The following XKR6 variants were observed in gnomAD, a reference collection of about 807,000 sequenced individuals.
The protein encoded by XKR6 is XK-related protein 6.
XKR6 carries 22 observed loss-of-function variants against 56.7 expected under a neutral mutation model. The observed-to-expected ratio is 0.39, with a 90% CI of 0.28 to 0.55. XKR6 has a LOEUF of 0.55. Ranked by LOEUF, XKR6 falls within the 20% of genes least tolerant of loss-of-function variation. XKR6 has a pLI of 0.66. For synonymous variants in XKR6, 524 were observed against 387.8 expected (o/e 1.35, Z -4.13); for missense variants, 852 against 889.0 (o/e 0.96, Z 0.53).
At chr8:10,920,279 C>A (rs529851869) in intron 2 of XKR6, among the ~76,000 whole-genome samples, 33 of 152,310 alleles carry the variant, frequency 2.2e-4, no homozygotes, top group Non-Finnish European at 3.8e-4. Flanking sequence ...ACCACTACAA[C>A]CACCAAGAAA....
At chr8:11,110,317 C>A (rs569042636) in intron 1 of XKR6, among the ~76,000 whole-genome samples, 1 of 152,274 alleles carries the variant, frequency 6.6e-6, no homozygotes, top group East Asian at 1.9e-4. Flanking sequence ...ATATTAAATA[C>A]ATTACCAGCC....
chr8:10,993,624 G>A (rs970703306), intron 1 of XKR6, among the ~76,000 whole-genome samples: 3 of 152,200 alleles, frequency 2.0e-5, no homozygotes, highest in Non-Finnish European at 4.4e-5. Context: ...GCAGGGGAGA[G>A]GCTGGGGGCT....
chr8:11,133,197 C>T (rs566479880), intron 1 of XKR6, among the ~76,000 whole-genome samples: 1 of 150,706 alleles, frequency 6.6e-6, no homozygotes, highest in East Asian at 1.9e-4. Flanking sequence ...TTTCAGTCAT[C>T]AGAAGTAAGG....
Position 10,898,890 on chromosome 8 carries a change from A to T in XKR6, c.988T>A (p.Ser330Thr). Residue 330 changes from serine (S) to threonine (T), a missense_variant, in exon 3 of 3, where the codon TCC (serine) becomes ACC (threonine). By Grantham distance (58) the Ser-to-Thr change is moderately conservative. Coordinates refer to ENST00000416569, the MANE Select transcript of XKR6 (RefSeq NM_173683.4). This position sits in a 1 kb window ranked among gnomAD's most constrained non-coding sequence, Gnocchi z 6.6. ...TAGGAGGCTAGCACCCAAGCCAGGG[A>T]CATCAGGGAAGTCACAGAGGAGACA... Reference protein sequence around the residue: ...PCVSSVTSLMSLAWVLASYHK... With the variant: ...PCVSSVTSLMTLAWVLASYHK... 1.2e-6 allele frequency: 2 copies of T among 1,610,726 alleles called. No individual in the cohort carries two copies. The highest frequency in any genetic ancestry group is 1.7e-6 in the Non-Finnish European group (2 of 1,178,088).
intron 1 of XKR6, among the ~76,000 whole-genome samples, chr8:10,993,289 A>T (rs913027656): frequency 1.3e-5 from 2 of 152,154 alleles, no homozygotes; most frequent in Non-Finnish European, 2.9e-5. Context: ...AGCACCTACC[A>T]CTTGCAGCAG....
At chr8:11,056,844 G>T (rs906434517) in intron 1 of XKR6, among the ~76,000 whole-genome samples, 9 of 152,180 alleles carry the variant, frequency 5.9e-5, no homozygotes, top group Non-Finnish European at 1.2e-4. Context: ...CCAGCCAGGG[G>T]ATCAGCTGGG....
chr8:11,201,786 C>T lies in XKR6; in HGVS notation c.-447G>A, dbSNP rs976321514. Reference sequence around the variant, plus strand: ...TGCCAGACGTTTTGGGGTCCCCTTCCTCAGCGTCGCAGCTCACAGCTTTCC... The same window carrying T: ...TGCCAGACGTTTTGGGGTCCCCTTCTTCAGCGTCGCAGCTCACAGCTTTCC... On this transcript the variant is annotated 5_prime_UTR_variant, in exon 1 of 3. Coordinates refer to ENST00000416569, the MANE Select transcript of XKR6 (RefSeq NM_173683.4). 6.6e-6 allele frequency among the ~76,000 whole-genome samples: 1 copy of T among 152,262 alleles called. No individual in the cohort carries two copies. Among genetic ancestry groups the T allele is most frequent in the South Asian group, 2.1e-4 (1 of 4,830 alleles).
intron 1 of XKR6, among the ~76,000 whole-genome samples, chr8:11,022,502 A>C (rs955417817): frequency 2.6e-5 from 4 of 152,246 alleles, no homozygotes; most frequent in Non-Finnish European, 5.9e-5. Flanking sequence ...ACCAGAAATT[A>C]GGTCTTAGAC....
chr8:11,083,523 C>T lies in XKR6; in HGVS notation c.764+117053G>A, dbSNP rs1045641093. ...TTACACCCCCCGTTGAGCTATTCCC[C>T]GCTTCAAGTTTTGCATTTTCGGAAT... On this transcript the variant is annotated intron_variant, in intron 1 of 2. Transcript: ENST00000416569. Among the ~76,000 whole-genome samples, 10 of 152,304 alleles carry T rather than the reference C, an allele frequency of 6.6e-5. No homozygotes were observed. The South Asian group carries it at 8.3e-4, about 13-fold the overall frequency.
chr8:11,064,582 C>T (rs1437519628), intron 1 of XKR6, among the ~76,000 whole-genome samples: 1 of 152,226 alleles, frequency 6.6e-6, no homozygotes, highest in East Asian at 1.9e-4. Flanking sequence ...TCATTTTCTG[C>T]CATCTGTCAA....
chr8:11,154,749 G>C (rs1366180642), intron 1 of XKR6, among the ~76,000 whole-genome samples: 8 of 152,080 alleles, frequency 5.3e-5, no homozygotes, highest in Non-Finnish European at 1.2e-4. Context: ...CTTTTCTGTT[G>C]GTTCCTTCTC....
At chr8:10,936,270 C>T (rs1801203314) in intron 1 of XKR6, among the ~76,000 whole-genome samples, 1 of 150,206 alleles carries the variant, frequency 6.7e-6, no homozygotes, top group South Asian at 2.1e-4. Flanking sequence ...TTTCTCCATC[C>T]TTTTATTTTG....
At chr8:10,988,948 G>A (rs1191417818) in intron 1 of XKR6, among the ~76,000 whole-genome samples, 1 of 152,224 alleles carries the variant, frequency 6.6e-6, no homozygotes, top group Non-Finnish European at 1.5e-5. Flanking sequence ...GCAAAAGGCA[G>A]AGGACAGTAT....
At chr8:11,092,547 G>A (rs1056943987) in intron 1 of XKR6, among the ~76,000 whole-genome samples, 2 of 152,162 alleles carry the variant, frequency 1.3e-5, no homozygotes, top group African/African-American at 2.4e-5. Context: ...TGGGGACAGG[G>A]GGTATCCCGG....
rs1314478856 is a variant in XKR6 at position 10,896,118 on chromosome 8, C to A, written c.*1834G>T. 6.9e-6 allele frequency: 1 copy of A among 145,982 alleles called. No individual in the cohort carries two copies. Among genetic ancestry groups the A allele is most frequent in the African/African-American group, 2.5e-5 (1 of 40,012 alleles). 9.0% of individuals were successfully genotyped at this position (145,982 alleles called of 1,614,324 possible). ...ATATATATATATACTTATTATATAT[C>A]TTTTTTGTGATTTTTTTTCTTTTCC... On this transcript the variant is annotated 3_prime_UTR_variant, in exon 3 of 3. Coordinates refer to ENST00000416569, the MANE Select transcript of XKR6 (RefSeq NM_173683.4).
intron 1 of XKR6, among the ~76,000 whole-genome samples, chr8:11,052,342 G>C (rs1478927817): frequency 1.3e-5 from 2 of 152,158 alleles, no homozygotes; most frequent in African/African-American, 4.8e-5. Context: ...CCCAGCTCTT[G>C]TTTCCCAGAG....
chr8:10,979,896 G>A (rs1485144670), intron 1 of XKR6, among the ~76,000 whole-genome samples: 1 of 152,142 alleles, frequency 6.6e-6, no homozygotes, highest in Non-Finnish European at 1.5e-5. Context: ...GGTGTTTGGG[G>A]GACTTATAAG....
intron 1 of XKR6, chr8:11,002,457 C>T (rs1416831990): frequency 2.5e-6 from 1 of 405,554 alleles, no homozygotes; most frequent in African/African-American, 2.1e-5. Flanking sequence ...CTCTTCATCT[C>T]CAGGAGAAGG....
rs116796242 is a variant in XKR6 at position 11,048,782 on chromosome 8, G to A, written c.765-123952C>T. Among the ~76,000 whole-genome samples, 1,117 of 152,240 alleles carry A rather than the reference G, an allele frequency of 7.3e-3. 13 individuals are homozygous for A. Among genetic ancestry groups the A allele is most frequent in the African/African-American group, 0.025 (1,058 of 41,542 alleles). On this transcript the variant is annotated intron_variant, in intron 1 of 2. Transcript: ENST00000416569. ...GACCTCCCGGTGGCTGATGCCTGGC[G>A]CTGCCCCTGGCTCTGCGTGGTTCTG...
Sources: allele counts gnomAD v4.1 joint callset (sites outside exome capture counted in the v4.1 genomes callset), GRCh38; gene constraint gnomAD v4.1.1; non-coding constraint Gnocchi (gnomAD v3.1); transcripts MANE v1.5; gene names NCBI Gene and HGNC (gene_info 2026-07-23, HGNC 2026-07-21).